FANCB: variants seen among roughly 807,000 people sequenced by gnomAD.
FANCB encodes FA complementation group B, also known as Fanconi anemia group B protein.
FANCB carries 5 observed loss-of-function variants against 38.9 expected under a neutral mutation model. The ratio of observed to expected loss-of-function variants is 0.13; its 90% confidence interval spans 0.07 to 0.27. FANCB has a LOEUF of 0.27. FANCB is among the 10% of genes least tolerant of loss of function. FANCB has a pLI of 1.00. For missense variants in FANCB, 573 were observed against 602.7 expected (o/e 0.95, Z 0.52); for synonymous variants, 236 against 215.4 (o/e 1.10, Z -0.84).
chrX:14,691,635 G>A, the FANCB span, among the ~76,000 whole-genome samples: 1 of 111,328 alleles, frequency 9.0e-6, no homozygotes, highest in Admixed American at 9.6e-5. Flanking sequence ...AAACCTCAAT[G>A]TTAGGAGGGG....
chrX:14,706,923 C>G, the FANCB span, among the ~76,000 whole-genome samples: 120 of 112,172 alleles, frequency 1.1e-3, no homozygotes, highest in Non-Finnish European at 1.7e-3. Context: ...TGCTGAATGT[C>G]GTACAGCCAA....
chrX:14,850,485 T>C lies in FANCB; in HGVS notation c.1496+20A>G, dbSNP rs2092396325. 1 of 1,166,187 alleles carries C rather than the reference T, an allele frequency of 8.6e-7. No homozygotes were observed. Among genetic ancestry groups the C allele is most frequent in the South Asian group, 1.8e-5 (1 of 56,014 alleles). ...GTTCTGGAGCATCAAGACAGTGTTA[T>C]CATGTTGGAATTTACTTACAGCTTC... On this transcript the variant is annotated intron_variant, in intron 7 of 9. Transcript: ENST00000650831.
the FANCB span, among the ~76,000 whole-genome samples, chrX:14,811,526 G>C: frequency 1.8e-5 from 2 of 110,783 alleles, no homozygotes; most frequent in Non-Finnish European, 3.8e-5. Context: ...CCTAGTCTCG[G>C]ATAAAACAGA....
chrX:14,792,220 T>C, the FANCB span, among the ~76,000 whole-genome samples: 2 of 111,909 alleles, frequency 1.8e-5, no homozygotes, highest in Non-Finnish European at 3.8e-5. Context: ...ACACTGTCAT[T>C]TTGTACTTTC....
chrX:14,758,492 A>C, the FANCB span, among the ~76,000 whole-genome samples: 1 of 112,213 alleles, frequency 8.9e-6, no homozygotes, highest in Non-Finnish European at 1.9e-5. Context: ...CACCTCCACC[A>C]GAGCAAGTGC....
chrX:14,730,783 G>A, the FANCB span: 11 of 253,774 alleles, frequency 4.3e-5, no homozygotes, highest in South Asian at 4.3e-4. Context: ...CATGATATGC[G>A]CATCATTCAG....
At chrX:14,753,948 C>G in the FANCB span, among the ~76,000 whole-genome samples, 1 of 112,442 alleles carries the variant, frequency 8.9e-6, no homozygotes, top group Non-Finnish European at 1.9e-5. Flanking sequence ...TGCACAGGAT[C>G]TGAGCACAGT....
At chrX:14,775,079 G>A in the FANCB span, among the ~76,000 whole-genome samples, 112 of 106,896 alleles carry the variant, frequency 1.0e-3, no homozygotes, top group African/African-American at 3.8e-3. Context: ...TGATCTGCCC[G>A]CCTCGGCCTT....
chrX:14,718,025 G>C, the FANCB span, among the ~76,000 whole-genome samples: 5 of 110,940 alleles, frequency 4.5e-5, no homozygotes, highest in South Asian at 1.1e-3. Context: ...TTACTGAGAT[G>C]AAGTCAAGAT....
chrX:14,800,151 C>T, the FANCB span, among the ~76,000 whole-genome samples: 1 of 111,739 alleles, frequency 8.9e-6, no homozygotes, highest in Non-Finnish European at 1.9e-5. Context: ...TCCAATCAAC[C>T]ATCTCAGCAG....
At chrX:14,714,083 A>AC in the FANCB span, among the ~76,000 whole-genome samples, 1 of 110,629 alleles carries the variant, frequency 9.0e-6, no homozygotes, top group African/African-American at 3.3e-5. Flanking sequence ...TGAAGCTTGA[A>AC]CTGATTCTAT....
At chrX:14,690,581 T>C in the FANCB span, 4 of 465,091 alleles carry the variant, frequency 8.6e-6, no homozygotes, top group Admixed American at 1.2e-4. Flanking sequence ...TGGAAAATCA[T>C]TGACCAAGGA....
rs2092398274 is a variant in FANCB at position 14,850,792 on chromosome X, CAAAT to C, written c.1327-122_1327-119del. On this transcript the variant is annotated intron_variant, in intron 6 of 9. Transcript: ENST00000650831. ...GGCTTATGGCCCAAACATTTAAAAA[CAAAT>C]AACATATCATATTATAGATTATACA... is the stretch of plus-strand genomic sequence containing the variant. The C allele has an allele frequency of 2.9e-5, 13 of 447,760 alleles. No individual in the cohort carries two copies. The South Asian group carries it at 4.5e-4, about 15-fold the overall frequency. 36.9% of individuals were successfully genotyped at this position (447,760 alleles called of 1,213,427 possible).
the FANCB span, among the ~76,000 whole-genome samples, chrX:14,774,229 CAAG>C: frequency 9.0e-6 from 1 of 111,100 alleles, no homozygotes; most frequent in African/African-American, 3.3e-5. Context: ...ACAAAATATA[CAAG>C]AATAGCTAGG....
chrX:14,836,165 G>A (rs2092340768), exon 11 of FANCB: 1 of 111,704 alleles, frequency 9.0e-6, no homozygotes, highest in African/African-American at 3.3e-5. Context: ...AAATAAGCCA[G>A]GTACAAAAAT....
chrX:14,695,939 C>T, the FANCB span, among the ~76,000 whole-genome samples: 1 of 110,647 alleles, frequency 9.0e-6, no homozygotes, highest in Non-Finnish European at 1.9e-5. Flanking sequence ...CATATGAGAA[C>T]TGTGGTTATG....
chrX:14,729,146 T>C, the FANCB span, among the ~76,000 whole-genome samples: 1 of 112,270 alleles, frequency 8.9e-6, no homozygotes, highest in African/African-American at 3.2e-5. Context: ...TCAGTAAGCA[T>C]TAATGAAATA....
intron 10 of FANCB, among the ~76,000 whole-genome samples, chrX:14,837,348 A>T (rs1350612733): frequency 2.7e-5 from 3 of 112,475 alleles, no homozygotes; most frequent in Non-Finnish European, 5.6e-5. Context: ...TTCAAAGAGA[A>T]ACTACATAAA....
At chrX:14,733,089 A>G in the FANCB span, among the ~76,000 whole-genome samples, 1 of 112,046 alleles carries the variant, frequency 8.9e-6, no homozygotes, top group Non-Finnish European at 1.9e-5. Flanking sequence ...GTTTTCTGCA[A>G]GTGGCTAGCC....
Sources: allele counts gnomAD v4.1 joint callset (sites outside exome capture counted in the v4.1 genomes callset), GRCh38; gene constraint gnomAD v4.1.1; transcripts MANE v1.5; gene names NCBI Gene and HGNC (gene_info 2026-07-23, HGNC 2026-07-21).